The following CYFIP1 variants were observed in gnomAD, a reference collection of about 807,000 sequenced individuals.
CYFIP1 encodes cytoplasmic FMR1 interacting protein 1, also known as cytoplasmic FMR1-interacting protein 1.
A neutral mutation model predicts 163.5 loss-of-function variants in CYFIP1; 58 were observed. That is an observed-to-expected ratio of 0.35 (90% CI 0.29 to 0.44). CYFIP1 has a LOEUF of 0.44. Among genes scored for constraint, CYFIP1 ranks in the 20% least tolerant of loss-of-function variants. CYFIP1 has a pLI of 1.00. For synonymous variants in CYFIP1, 663 were observed against 660.7 expected, an observed-to-expected ratio of 1.00 and a Z score of -0.05; for missense variants, 1,338 against 1,653.8, an observed-to-expected ratio of 0.81 and a Z score of 3.31.
intron 1 of CYFIP1, among the ~76,000 whole-genome samples, chr15:22,965,501 G>C (rs879890539): frequency 5.9e-5 from 9 of 152,220 alleles, no homozygotes; most frequent in Non-Finnish European, 1.2e-4. Context: ...ACACTGCACA[G>C]GCGTGTGGCC....
rs530806611 is a variant in CYFIP1, at chr15:22,873,065, C to T, written c.3450-93G>A. On this transcript the variant is annotated intron_variant, in intron 29 of 30. Coordinates refer to ENST00000617928, the MANE Select transcript of CYFIP1 (RefSeq NM_014608.6). The stretch of plus-strand genomic sequence containing the variant: ...CTCCAGATGTCAGTGACCAAGCCAT[C>T]TGCATTACTGTCTGTGCCTACACAG... 5.8e-6 allele frequency: 8 copies of T among 1,381,008 alleles called. No homozygotes were observed. In the South Asian group the frequency reaches 1.1e-4, roughly 18 times the overall value. The allele number at this position is 1,381,008 out of a possible 1,614,324, so 85.5% of individuals were successfully genotyped here.
rs745545918 is a variant in CYFIP1 at position 22,917,894 on chromosome 15, G to A, written c.1568C>T (p.Thr523Met). Residue 523 changes from threonine (T) to methionine (M), a missense_variant, in exon 15 of 31, where the codon ACG becomes ATG. This residue lies in a region of CYFIP1 where 824 missense variants were observed against 995.7 expected (regional missense o/e 0.83). Transcript: ENST00000617928. The surrounding 1 kb of genome is among the most constrained non-coding windows in gnomAD (Gnocchi z 4.2). ...TGGGTCATTGAAGGGCTCATGCCCC[G>A]TCTCCCAGTCACACACGGTCTTCCT... ...AIRKTVCDWE[T>M]GHEPFNDPAL... 12 of 1,613,632 alleles carry A rather than the reference G, an allele frequency of 7.4e-6. No homozygotes were observed. The highest frequency in any genetic ancestry group is 3.3e-5 in the Admixed American group (2 of 59,936).
At chr15:22,920,965 T>A (rs2061156212) in intron 13 of CYFIP1, among the ~76,000 whole-genome samples, 1 of 152,132 alleles carries the variant, frequency 6.6e-6, no homozygotes, top group African/African-American at 2.4e-5. Flanking sequence ...ACTGAGAGCT[T>A]TAGATGCACG....
chr15:22,879,584 C>T (rs571224225), intron 26 of CYFIP1, among the ~76,000 whole-genome samples: 10 of 152,240 alleles, frequency 6.6e-5, no homozygotes, highest in African/African-American at 2.2e-4. Flanking sequence ...CTCAGGCATA[C>T]AGAGGGCCCT....
In CYFIP1 at chr15:22,964,417, C is replaced by T. The variant is rs1463455860; in HGVS notation, c.-7+15870G>A. 4.1e-5 allele frequency among the ~76,000 whole-genome samples: 6 copies of T among 148,006 alleles called. No homozygotes were observed. The East Asian group carries it at 1.2e-3, about 30-fold the overall frequency. ...CACACACACACACACACCCGGCAGCCCTGCCAGCAGACTCCGCAGCCTGGA... is the reference window on the plus strand; with the variant it reads ...CACACACACACACACACCCGGCAGCTCTGCCAGCAGACTCCGCAGCCTGGA... On this transcript the variant is annotated intron_variant, in intron 1 of 30. Coordinates refer to ENST00000617928, the MANE Select transcript of CYFIP1 (RefSeq NM_014608.6).
At chr15:22,876,726 G>GA (rs2079615730) in intron 26 of CYFIP1, among the ~76,000 whole-genome samples, 1 of 151,996 alleles carries the variant, frequency 6.6e-6, no homozygotes, top group African/African-American at 2.4e-5. Context: ...AGCTACTCGG[G>GA]AGACTGAGGC....
intron 11 of CYFIP1, among the ~76,000 whole-genome samples, chr15:22,929,392 G>A (rs1259132699): frequency 1.3e-5 from 2 of 152,044 alleles, no homozygotes; most frequent in East Asian, 3.9e-4. Flanking sequence ...CCAAAACTCT[G>A]GGAGGCTGAG....
intron 6 of CYFIP1, among the ~76,000 whole-genome samples, chr15:22,942,390 C>G (rs1567007483): frequency 6.6e-6 from 1 of 152,230 alleles, no homozygotes; most frequent in Non-Finnish European, 1.5e-5. Context: ...TCTTCAAAAG[C>G]ACTGAGCACA....
intron 1 of CYFIP1, among the ~76,000 whole-genome samples, chr15:22,979,403 G>GCAAGAAACACCACCGCTC (rs2063390103): frequency 6.6e-6 from 1 of 152,116 alleles, no homozygotes; most frequent in South Asian, 2.1e-4. Context: ...ACGGACGACT[G>GCAAGAAACACCACCGCTC]CAAGAAACAC....
At chr15:22,921,225 T>C (rs2142135651) in intron 13 of CYFIP1, among the ~76,000 whole-genome samples, 1 of 151,762 alleles carries the variant, frequency 6.6e-6, no homozygotes, top group Admixed American at 6.6e-5. Flanking sequence ...AAAATTAGCC[T>C]GGTGTGGTGG....
At chr15:22,922,580 G>A (rs1158584853) in intron 13 of CYFIP1, among the ~76,000 whole-genome samples, 1 of 152,168 alleles carries the variant, frequency 6.6e-6, no homozygotes, top group African/African-American at 2.4e-5. Flanking sequence ...AGCCAGTCAG[G>A]GGGATGGAGG....
intron 22 of CYFIP1, among the ~76,000 whole-genome samples, chr15:22,895,879 G>A (rs528559388): frequency 9.8e-5 from 15 of 152,302 alleles, no homozygotes; most frequent in South Asian, 2.1e-4. Context: ...CTCAGAGCTC[G>A]GAGGGTGATG....
At chr15:22,944,535 C>G (rs12148589) in intron 5 of CYFIP1, 23 bp downstream of exon 5, 286,413 of 1,536,372 alleles carry the variant, frequency 0.19, 29,889 homozygotes, top group African/African-American at 0.34. Context: ...GTTACACCCC[C>G]CCCAGATTAT....
At chr15:22,916,928 C>T (rs992806960) in intron 15 of CYFIP1, 2 of 1,551,636 alleles carry the variant, frequency 1.3e-6, no homozygotes, top group African/African-American at 1.4e-5. Flanking sequence ...GCCTCAGAAA[C>T]GTGTTAACCG....
In CYFIP1 at chr15:22,964,359, A is replaced by T. The variant is rs1410468742; in HGVS notation, c.-7+15928T>A. Among the ~76,000 whole-genome samples the T allele has an allele frequency of 5.4e-4, 34 of 63,084 alleles. No homozygotes were observed. The East Asian group carries it at 0.012, about 22-fold the overall frequency. 41.4% of individuals were successfully genotyped at this position (63,084 alleles called of 152,430 possible). ...GACTCCGCAACCTCATCACTCACACACACACACACACACACACACACACAC... is the reference window on the plus strand; with the variant it reads ...GACTCCGCAACCTCATCACTCACACTCACACACACACACACACACACACAC... On this transcript the variant is annotated intron_variant, in intron 1 of 30. Coordinates refer to ENST00000617928, the MANE Select transcript of CYFIP1 (RefSeq NM_014608.6).
chr15:22,964,349 TCACTCACACACACACACA>T (rs1277297741), intron 1 of CYFIP1, among the ~76,000 whole-genome samples: 398 of 39,582 alleles, frequency 0.01, 1 homozygote, highest in African/African-American at 0.033. Context: ...CGCAACCTCA[TCACTCACACACACACACA>T]CACACACACA....
In CYFIP1 at chr15:22,932,631, G is replaced by A. The variant is rs140361341; in HGVS notation, c.993-291C>T. Among the ~76,000 whole-genome samples the A allele has an allele frequency of 5.3e-5, 8 of 152,238 alleles. No homozygotes were observed. In the East Asian group the frequency reaches 5.8e-4, roughly 11 times the overall value. On this transcript the variant is annotated intron_variant, in intron 10 of 30. Transcript: ENST00000617928. Reference sequence around the variant, plus strand: ...TGAATGGTGACTGCAGGTTGGCTACGGGCACAGTGCTTGGCAAAAGTCAAT... The same window carrying A: ...TGAATGGTGACTGCAGGTTGGCTACAGGCACAGTGCTTGGCAAAAGTCAAT...
chr15:22,928,998 T>C (rs991765452), intron 11 of CYFIP1, among the ~76,000 whole-genome samples: 2 of 151,654 alleles, frequency 1.3e-5, no homozygotes, highest in African/African-American at 4.8e-5. Context: ...GCAGGTGGAT[T>C]GCCTGAGGTC....
intron 3 of CYFIP1, 97 bp from the exon 4 acceptor site, chr15:22,945,036 T>C (rs994434765): frequency 1.8e-6 from 2 of 1,118,750 alleles, no homozygotes; most frequent in Non-Finnish European, 2.7e-6. Context: ...CCACAAACTA[T>C]CCTAAGCACT....
Sources: gnomAD v4.1 joint callset for allele counts (sites outside exome capture counted in the v4.1 genomes callset) on GRCh38, gnomAD v4.1.1 for gene constraint, gnomAD v4.1.1 regional missense constraint, Gnocchi (gnomAD v3.1) non-coding constraint, MANE v1.5 for transcripts, NCBI Gene and HGNC (gene_info 2026-07-23, HGNC 2026-07-21) for gene names.